The following TMTC2 variants were observed in gnomAD, a reference collection of about 807,000 sequenced individuals.
The protein encoded by TMTC2 is transmembrane O-mannosyltransferase targeting cadherins 2.
TMTC2 carries 43 observed loss-of-function variants against 82.4 expected under a neutral mutation model. The observed-to-expected ratio is 0.52, with a 90% CI of 0.41 to 0.67. The LOEUF (loss-of-function observed/expected upper bound fraction) is 0.67. Among genes scored for constraint, TMTC2 ranks in the 30% least tolerant of loss-of-function variants. The probability of loss-of-function intolerance (pLI) is 0.00; values close to 1 mark genes in which losing one functional copy is unlikely to be tolerated. For synonymous variants in TMTC2, 408 were observed against 381.9 expected, an observed-to-expected ratio of 1.07 and a Z score of -0.80; for missense variants, 919 against 1,012.4, an observed-to-expected ratio of 0.91 and a Z score of 1.25.
chr12:82,728,974 G>A (rs548978340), intron 1 of TMTC2, among the ~76,000 whole-genome samples: 2 of 152,334 alleles, frequency 1.3e-5, no homozygotes, highest in East Asian at 3.9e-4. Context: ...CAGGGCTCGG[G>A]ACCTGCAGCA....
intron 4 of TMTC2, among the ~76,000 whole-genome samples, chr12:82,946,942 CA>C (rs1399175855): frequency 1.3e-5 from 2 of 152,024 alleles, no homozygotes; most frequent in African/African-American, 4.8e-5. Context: ...CGGGGTTTCG[CA>C]GTGTTAGCCA....
intron 1 of TMTC2, among the ~76,000 whole-genome samples, chr12:82,725,024 T>C (rs1313047202): frequency 6.6e-6 from 1 of 152,144 alleles, no homozygotes; most frequent in African/African-American, 2.4e-5. Flanking sequence ...TCCTATTAAT[T>C]ATCCAAAATT....
At chr12:82,844,914 A>G (rs1870553913) in intron 1 of TMTC2, among the ~76,000 whole-genome samples, 1 of 151,374 alleles carries the variant, frequency 6.6e-6, no homozygotes, top group South Asian at 2.1e-4. Flanking sequence ...GTCAAACAGT[A>G]ATCATGTTTT....
intron 1 of TMTC2, among the ~76,000 whole-genome samples, chr12:82,832,151 A>G (rs1869783984): frequency 6.6e-6 from 1 of 152,152 alleles, no homozygotes; most frequent in East Asian, 1.9e-4. Flanking sequence ...ATTTCTTTTC[A>G]CGGACTCAAA....
chr12:82,954,182 T>C (rs939843513), intron 4 of TMTC2, among the ~76,000 whole-genome samples: 1 of 152,182 alleles, frequency 6.6e-6, no homozygotes, highest in Non-Finnish European at 1.5e-5. Flanking sequence ...TATTGTTAGG[T>C]GAAAAATGCT....
rs558383596 is a variant in TMTC2 at position 83,084,813 on chromosome 12, A to G, written c.2331+22982A>G. Among the ~76,000 whole-genome samples, 3 of 152,318 alleles carry G rather than the reference A, an allele frequency of 2.0e-5. No individual in the cohort carries two copies. In the East Asian group the frequency reaches 5.8e-4, roughly 29 times the overall value. ...CTAGCACCTAACAGGACAAGGCACA[A>G]CTCTATAAATCAGTGATTTTGTGTC... On this transcript the variant is annotated intron_variant, in intron 11 of 11. Coordinates refer to ENST00000321196, the MANE Select transcript of TMTC2 (RefSeq NM_152588.3).
intron 1 of TMTC2, among the ~76,000 whole-genome samples, chr12:82,706,352 A>C (rs1416165194): frequency 3.4e-5 from 5 of 147,514 alleles, no homozygotes; most frequent in Non-Finnish European, 7.5e-5. Context: ...AGGATGAGAG[A>C]GAGGAATATT....
At chr12:82,713,654 G>T (rs1453343251) in intron 1 of TMTC2, among the ~76,000 whole-genome samples, 1 of 152,168 alleles carries the variant, frequency 6.6e-6, no homozygotes, top group East Asian at 1.9e-4. Flanking sequence ...CTGTGCCCAT[G>T]ATTCAGTTAC....
At chr12:82,819,359 A>G (rs985618829) in intron 1 of TMTC2, among the ~76,000 whole-genome samples, 4 of 152,078 alleles carry the variant, frequency 2.6e-5, no homozygotes, top group Non-Finnish European at 4.4e-5. Context: ...AACTGTTTAG[A>G]TAACATGGCT....
intron 7 of TMTC2, among the ~76,000 whole-genome samples, chr12:82,975,650 A>G (rs867278263): frequency 6.6e-6 from 1 of 152,158 alleles, no homozygotes; most frequent in African/African-American, 2.4e-5. Flanking sequence ...TAAATTATTC[A>G]TTGCCTATTA....
At chr12:82,813,935 C>T (rs755369062) in intron 1 of TMTC2, among the ~76,000 whole-genome samples, 5 of 152,026 alleles carry the variant, frequency 3.3e-5, no homozygotes, top group Admixed American at 6.6e-5. Flanking sequence ...GTTTATGATA[C>T]CCTCAGAGGG....
intron 1 of TMTC2, among the ~76,000 whole-genome samples, chr12:82,775,797 T>C (rs975131454): frequency 1.3e-5 from 2 of 152,102 alleles, no homozygotes; most frequent in African/African-American, 4.8e-5. Context: ...GGAAAGTAAA[T>C]GTACCAACCC....
chr12:83,057,663 G>T (rs2137466619), intron 10 of TMTC2, among the ~76,000 whole-genome samples: 1 of 151,886 alleles, frequency 6.6e-6, no homozygotes, highest in East Asian at 1.9e-4. Flanking sequence ...GAATCCAGGA[G>T]AACCCAGCTA....
chr12:82,959,263 A>T (rs1315354510), intron 4 of TMTC2, among the ~76,000 whole-genome samples: 1 of 152,188 alleles, frequency 6.6e-6, no homozygotes. Flanking sequence ...AAAGCAATTT[A>T]CAGATTCAGT....
intron 1 of TMTC2, among the ~76,000 whole-genome samples, chr12:82,849,093 G>A (rs553546791): frequency 6.6e-6 from 1 of 152,210 alleles, no homozygotes; most frequent in East Asian, 1.9e-4. Context: ...ATTATGGTAA[G>A]AAATAGGGCA....
At chr12:83,104,255 G>T (rs1358690276) in intron 11 of TMTC2, among the ~76,000 whole-genome samples, 1 of 152,162 alleles carries the variant, frequency 6.6e-6, no homozygotes, top group Non-Finnish European at 1.5e-5. Flanking sequence ...GGTCTAGAGG[G>T]CAATGATCTC....
intron 7 of TMTC2, among the ~76,000 whole-genome samples, chr12:82,967,348 G>A (rs1336234275): frequency 6.6e-6 from 1 of 151,882 alleles, no homozygotes; most frequent in African/African-American, 2.4e-5. Context: ...ATTAATTTTA[G>A]TAAGTGTATC....
Position 82,808,288 on chromosome 12 carries a change from G to A in TMTC2, c.84-48722G>A, listed in dbSNP as rs936044998. ...ATATGGTGATATAATTAATATACATGTATCTTAAACTTTTTTCTTGAAGTT... is the reference window on the plus strand; with the variant it reads ...ATATGGTGATATAATTAATATACATATATCTTAAACTTTTTTCTTGAAGTT... On this transcript the variant is annotated intron_variant, in intron 1 of 11. Transcript: ENST00000321196. 9.9e-5 allele frequency among the ~76,000 whole-genome samples: 15 copies of A among 151,912 alleles called. 1 individual carries two copies. The highest frequency in any genetic ancestry group is 2.9e-4 in the African/African-American group (12 of 41,504).
At chr12:82,962,949 A>G (rs1878007851) in intron 4 of TMTC2, among the ~76,000 whole-genome samples, 1 of 152,054 alleles carries the variant, frequency 6.6e-6, no homozygotes, top group South Asian at 2.1e-4. Context: ...CCAGGAGCCC[A>G]GGAAATACAG....
Sources: gnomAD v4.1 joint callset for allele counts (sites outside exome capture counted in the v4.1 genomes callset) on GRCh38, gnomAD v4.1.1 for gene constraint, MANE v1.5 for transcripts, NCBI Gene and HGNC (gene_info 2026-07-23, HGNC 2026-07-21) for gene names.